DIAPH3: variants seen among roughly 807,000 people sequenced by gnomAD.
DIAPH3 encodes diaphanous related formin 3, also known as protein diaphanous homolog 3.
DIAPH3 carries 117 observed loss-of-function variants against 144.3 expected under a neutral mutation model. The ratio of observed to expected loss-of-function variants is 0.81; its 90% CI spans 0.70 to 0.95. The LOEUF (loss-of-function observed/expected upper bound fraction) is 0.95. Ranked by LOEUF, DIAPH3 falls within the 40% of genes least tolerant of loss-of-function variation. The pLI is 0.00. For missense variants in DIAPH3, 1,421 were observed against 1,412.7 expected, an observed-to-expected ratio of 1.01 and a Z score of -0.09; for synonymous variants, 519 against 488.9, an observed-to-expected ratio of 1.06 and a Z score of -0.81.
chr13:59,797,239 T>C (rs761172363), intron 25 of DIAPH3, among the ~76,000 whole-genome samples: 2 of 152,234 alleles, frequency 1.3e-5, no homozygotes, highest in Non-Finnish European at 2.9e-5. Context: ...TGTTTATTTA[T>C]CTTAAATGTT....
intron 23 of DIAPH3, among the ~76,000 whole-genome samples, chr13:59,836,775 T>G (rs1199061502): frequency 6.6e-6 from 1 of 151,986 alleles, no homozygotes; most frequent in Non-Finnish European, 1.5e-5. Context: ...AATTGGTGAA[T>G]GAACCAAACA....
chr13:60,143,379 A>C (rs1325521135), intron 1 of DIAPH3, among the ~76,000 whole-genome samples: 1 of 152,168 alleles, frequency 6.6e-6, no homozygotes, highest in Non-Finnish European at 1.5e-5. Flanking sequence ...TGTGATCTTG[A>C]GCACTTAAAC....
At chr13:59,703,437 T>C (rs968251422) in intron 27 of DIAPH3, among the ~76,000 whole-genome samples, 11 of 152,232 alleles carry the variant, frequency 7.2e-5, no homozygotes, top group African/African-American at 2.7e-4. Flanking sequence ...CTTTTTTCTA[T>C]ATACAGCATC....
chr13:59,918,143 T>A (rs1321885550), intron 18 of DIAPH3, among the ~76,000 whole-genome samples: 1 of 149,860 alleles, frequency 6.7e-6, no homozygotes, highest in South Asian at 2.1e-4. Context: ...AAAAGATACA[T>A]TGATTATGTA....
intron 18 of DIAPH3, 148 bp downstream of exon 18, chr13:59,924,627 T>A: frequency 7.7e-7 from 1 of 1,303,808 alleles, no homozygotes; most frequent in Non-Finnish European, 1.0e-6. Flanking sequence ...TCCCATAATT[T>A]ACCTAAAGGA....
At chr13:59,970,758 C>A in intron 16 of DIAPH3, 94 bp downstream of exon 16, 4 of 1,098,694 alleles carry the variant, frequency 3.6e-6, no homozygotes, top group Non-Finnish European at 5.1e-6. Flanking sequence ...ATTATGTAGG[C>A]ATAAATTAAA....
chr13:59,769,002 T>C lies in DIAPH3; in HGVS notation c.3319+5187A>G, dbSNP rs143647813. ...TTTTAATTGCATATAGTTTATAGAA[T>C]TCTTTCTGATTACTCTCTATCCATT... On this transcript the variant is annotated intron_variant, in intron 27 of 27. Transcript: ENST00000400324. Among the ~76,000 whole-genome samples, 268 of 152,288 alleles carry C rather than the reference T, an allele frequency of 1.8e-3. 3 individuals carry two copies. Among genetic ancestry groups the C allele is most frequent in the African/African-American group, 6.1e-3 (254 of 41,576 alleles).
chr13:60,044,278 T>C (rs1156425128), intron 4 of DIAPH3: 1 of 152,218 alleles, frequency 6.6e-6, no homozygotes, highest in Non-Finnish European at 1.5e-5. Context: ...GTGTTTTTCA[T>C]GTTTTTTGTT....
At chr13:59,992,333 A>G (rs931983671) in intron 10 of DIAPH3, 140 bp downstream of exon 10, 36 of 1,015,642 alleles carry the variant, frequency 3.5e-5, no homozygotes, top group Middle Eastern at 6.1e-4. Context: ...GAATCTTATC[A>G]TCTATATTTC....
At chr13:59,902,108 C>T (rs1393968596) in intron 20 of DIAPH3, among the ~76,000 whole-genome samples, 1 of 152,192 alleles carries the variant, frequency 6.6e-6, no homozygotes, top group Non-Finnish European at 1.5e-5. Flanking sequence ...ATCAGTTACA[C>T]ATTATTTTGA....
chr13:60,135,934 C>G (rs552081721), intron 1 of DIAPH3, among the ~76,000 whole-genome samples: 2 of 152,256 alleles, frequency 1.3e-5, no homozygotes, highest in East Asian at 3.9e-4. Context: ...AATGTAAACA[C>G]TATATCAAGT....
chr13:60,123,127 A>G (rs2058890939), intron 2 of DIAPH3, among the ~76,000 whole-genome samples: 2 of 152,162 alleles, frequency 1.3e-5, no homozygotes, highest in African/African-American at 4.8e-5. Context: ...AATAAGGAGT[A>G]AAAATTACAC....
intron 25 of DIAPH3, among the ~76,000 whole-genome samples, chr13:59,799,020 G>C (rs1185410644): frequency 2.0e-5 from 3 of 151,732 alleles, no homozygotes; most frequent in Admixed American, 1.3e-4. Context: ...ATCCTGCCTG[G>C]GGAAGAAAAA....
At chr13:59,792,005 C>T (rs1024977802) in intron 25 of DIAPH3, among the ~76,000 whole-genome samples, 1 of 152,138 alleles carries the variant, frequency 6.6e-6, no homozygotes, top group Admixed American at 6.6e-5. Flanking sequence ...CAACAGTGTC[C>T]TTCTGATCTT....
chr13:59,797,252 C>T (rs1410542300), intron 25 of DIAPH3, among the ~76,000 whole-genome samples: 1 of 152,154 alleles, frequency 6.6e-6, no homozygotes, highest in African/African-American at 2.4e-5. Context: ...TAAATGTTGT[C>T]TGTCTCCTGC....
chr13:59,916,695 A>C lies in DIAPH3; in HGVS notation c.2171-446T>G, dbSNP rs556158608. ...AGCCTTAGGAAAGAGTTCAGGAAAA[A>C]GTATTTTAAGAAAACTGCTAAGCAG... On this transcript the variant is annotated intron_variant, in intron 18 of 27. Coordinates refer to ENST00000400324, the MANE Select transcript of DIAPH3 (RefSeq NM_001042517.2). Among the ~76,000 whole-genome samples, 501 of 152,298 alleles carry C rather than the reference A, an allele frequency of 3.3e-3. 2 individuals are homozygous for C. Among genetic ancestry groups the C allele is most frequent in the African/African-American group, 0.011 (462 of 41,596 alleles).
At chr13:59,939,733 A>C (rs1025624345) in intron 17 of DIAPH3, among the ~76,000 whole-genome samples, 2 of 152,126 alleles carry the variant, frequency 1.3e-5, no homozygotes, top group Non-Finnish European at 2.9e-5. Context: ...TTTGTTGTGG[A>C]TCCCTGTATA....
At chr13:59,928,891 G>A (rs2047881945) in intron 17 of DIAPH3, among the ~76,000 whole-genome samples, 1 of 152,184 alleles carries the variant, frequency 6.6e-6, no homozygotes, top group South Asian at 2.1e-4. Context: ...GGGAATGGCA[G>A]TAACAGTCAG....
chr13:60,024,657 T>C (rs1384366485), intron 5 of DIAPH3, among the ~76,000 whole-genome samples: 1 of 152,228 alleles, frequency 6.6e-6, no homozygotes, highest in Admixed American at 6.5e-5. Context: ...CTTCTTGGTA[T>C]GACCATATTT....
Sources: allele counts gnomAD v4.1 joint callset (sites outside exome capture counted in the v4.1 genomes callset), GRCh38; gene constraint gnomAD v4.1.1; transcripts MANE v1.5; gene names NCBI Gene and HGNC (gene_info 2026-07-23, HGNC 2026-07-21).